Variants in ADARB2 observed in about 807,000 individuals in gnomAD.
ADARB2 encodes inactive double-stranded RNA-specific editase B2.
Under a neutral mutation model 62.2 loss-of-function variants are expected in ADARB2, and 25 were observed. The observed-to-expected ratio is 0.40, with a 90% CI of 0.29 to 0.56. The LOEUF is 0.56. ADARB2 is among the 20% of genes least tolerant of loss of function. ADARB2 has a pLI of 0.43. For missense variants in ADARB2, 1,071 were observed against 1,077.4 expected (o/e 0.99, Z 0.08); for synonymous variants, 572 against 500.8 (o/e 1.14, Z -1.90).
intron 1 of ADARB2, among the ~76,000 whole-genome samples, chr10:1,445,076 T>C (rs866679834): frequency 1.3e-5 from 2 of 149,554 alleles, no homozygotes; most frequent in Middle Eastern, 3.6e-3. Flanking sequence ...CTTCCCTCCA[T>C]TCATCCATCC....
In ADARB2 at chr10:1,242,355, C is replaced by G. The variant is rs113690732; in HGVS notation, c.1193-56G>C. Reference sequence around the variant, plus strand: ...GGCCCACGGCCCCCGTCTCCCTCCTCCTCGGTCTTTTCAGGGTCTCACAAC... The same window carrying G: ...GGCCCACGGCCCCCGTCTCCCTCCTGCTCGGTCTTTTCAGGGTCTCACAAC... On this transcript the variant is annotated intron_variant, in intron 4 of 9. Coordinates refer to ENST00000381312, the MANE Select transcript of ADARB2 (RefSeq NM_018702.4). 138 of 1,492,658 alleles carry G rather than the reference C, an allele frequency of 9.2e-5. 1 individual carries two copies. In the African/African-American group the frequency reaches 1.7e-3, roughly 18 times the overall value. 92.5% of individuals were successfully genotyped at this position (1,492,658 alleles called of 1,614,324 possible).
rs139764018 is a variant in ADARB2 at position 1,580,766 on chromosome 10, C to T, written c.100+156285G>A. On this transcript the variant is annotated intron_variant, in intron 1 of 9. Transcript: ENST00000381312. ...CGCCATGCTCCTTCTGTTCCTCCCT[C>T]CTTCCCCACAAGCCCTGGCCACCAC... 4.1e-4 allele frequency among the ~76,000 whole-genome samples: 63 copies of T among 152,328 alleles called. 2 individuals are homozygous for T. The East Asian group carries it at 0.012, about 29-fold the overall frequency.
chr10:1,295,624 T>C (rs1831516551), intron 3 of ADARB2, among the ~76,000 whole-genome samples: 1 of 144,770 alleles, frequency 6.9e-6, no homozygotes, highest in Non-Finnish European at 1.5e-5. Flanking sequence ...CTTGATACGA[T>C]TTTGGATCTG....
At chr10:1,318,650 T>C (rs546420555) in intron 3 of ADARB2, among the ~76,000 whole-genome samples, 6 of 152,164 alleles carry the variant, frequency 3.9e-5, no homozygotes, top group African/African-American at 9.7e-5. Flanking sequence ...CAACTCAGCA[T>C]TGATACAAAG....
intron 1 of ADARB2, among the ~76,000 whole-genome samples, chr10:1,710,189 A>G (rs1834933719): frequency 6.6e-6 from 1 of 152,294 alleles, no homozygotes; most frequent in Non-Finnish European, 1.5e-5. Context: ...ACAGGCCAGC[A>G]GTAGCTATTC....
In ADARB2 at chr10:1,181,562, T is replaced by A. The variant is rs1836675787; in HGVS notation, c.*1631A>T. The A allele has an allele frequency of 6.6e-6, 1 of 152,222 alleles. No homozygotes were observed. The highest frequency in any genetic ancestry group is 2.1e-4 in the South Asian group (1 of 4,836). 9.4% of individuals were successfully genotyped at this position (152,222 alleles called of 1,614,324 possible). A position where few individuals can be genotyped will look rare whatever the true frequency, so the allele number is the denominator to read the frequency against. On this transcript the variant is annotated 3_prime_UTR_variant, in exon 10 of 10. Transcript: ENST00000381312. Reference sequence around the variant, plus strand: ...CTTTTTCCATACTAATATCTCTACTTCTTATTATCTTGTAACAAATAGCTA... The same window carrying A: ...CTTTTTCCATACTAATATCTCTACTACTTATTATCTTGTAACAAATAGCTA...
intron 2 of ADARB2, among the ~76,000 whole-genome samples, chr10:1,372,764 T>C (rs1832384393): frequency 6.6e-6 from 1 of 152,222 alleles, no homozygotes; most frequent in African/African-American, 2.4e-5. Flanking sequence ...CACTCCGAAA[T>C]TTATTATCCC....
At chr10:1,385,378 T>C (rs1832517101) in intron 1 of ADARB2, among the ~76,000 whole-genome samples, 1 of 152,292 alleles carries the variant, frequency 6.6e-6, no homozygotes. Flanking sequence ...GAAATATTTT[T>C]AAGAATTTAA....
intron 4 of ADARB2, among the ~76,000 whole-genome samples, chr10:1,266,736 C>G (rs928607484): frequency 6.6e-6 from 1 of 152,190 alleles, no homozygotes; most frequent in African/African-American, 2.4e-5. Flanking sequence ...CCACGCGAAA[C>G]AGAAAGCCAC....
At chr10:1,400,931 C>T (rs549067461) in intron 1 of ADARB2, among the ~76,000 whole-genome samples, 3 of 152,096 alleles carry the variant, frequency 2.0e-5, no homozygotes, top group South Asian at 2.1e-4. Flanking sequence ...CAGGGAGGGC[C>T]GGGAACGACC....
chr10:1,228,377 A>G (rs1830766812), intron 6 of ADARB2, among the ~76,000 whole-genome samples: 1 of 152,196 alleles, frequency 6.6e-6, no homozygotes, highest in Admixed American at 6.5e-5. Context: ...AACCACAGTG[A>G]AGTACAGAGA....
intron 1 of ADARB2, among the ~76,000 whole-genome samples, chr10:1,637,222 A>T (rs553972672): frequency 6.7e-6 from 1 of 149,144 alleles, no homozygotes; most frequent in East Asian, 2.0e-4. Flanking sequence ...GGCAGTTTAT[A>T]TTTCTGCCGT....
intron 1 of ADARB2, among the ~76,000 whole-genome samples, chr10:1,594,741 G>T (rs1318118454): frequency 6.6e-6 from 1 of 152,240 alleles, no homozygotes; most frequent in African/African-American, 2.4e-5. Context: ...CTGTGCTGGA[G>T]GACGCTTAAA....
chr10:1,709,515 C>T (rs745599821), intron 1 of ADARB2, among the ~76,000 whole-genome samples: 1 of 152,284 alleles, frequency 6.6e-6, no homozygotes, highest in Non-Finnish European at 1.5e-5. Flanking sequence ...ATGTGGAAGC[C>T]GGGCTTTCTT....
chr10:1,416,286 T>C (rs1374682659), intron 1 of ADARB2, among the ~76,000 whole-genome samples: 2 of 152,238 alleles, frequency 1.3e-5, no homozygotes, highest in African/African-American at 2.4e-5. Context: ...TTTGAATAAA[T>C]GAATTATTGG....
chr10:1,183,208 A>G lies in ADARB2; in HGVS notation c.2205T>C (p.Phe735=). Residue 735 remains phenylalanine, a synonymous_variant, in exon 10 of 10, where the codon TTT becomes TTC. Coordinates refer to ENST00000381312, the MANE Select transcript of ADARB2 (RefSeq NM_018702.4). ...WVRKPPEQQQ[F]LLTL is the part of the protein sequence containing the mutation. ...AGCCCGCAGCCTAGAGAGTCAGTAG[A>G]AACTGCTGCTGCTCCGGTGGTTTCC... 1 of 1,613,312 alleles carries G rather than the reference A, an allele frequency of 6.2e-7. No individual in the cohort carries two copies. Among genetic ancestry groups the G allele is most frequent in the East Asian group, 2.2e-5 (1 of 44,876 alleles).
At chr10:1,412,653 C>T (rs1027578833) in intron 1 of ADARB2, among the ~76,000 whole-genome samples, 2 of 152,024 alleles carry the variant, frequency 1.3e-5, no homozygotes, top group Non-Finnish European at 2.9e-5. Flanking sequence ...TGAAGGCTTC[C>T]GAGGGTAATG....
intron 1 of ADARB2, among the ~76,000 whole-genome samples, chr10:1,479,961 C>T (rs1831446360): frequency 6.6e-6 from 1 of 151,944 alleles, no homozygotes; most frequent in Non-Finnish European, 1.5e-5. Flanking sequence ...GGATTATGCA[C>T]CCAAATGACA....
chr10:1,361,853 G>C (rs186375998), intron 3 of ADARB2, among the ~76,000 whole-genome samples: 1 of 152,180 alleles, frequency 6.6e-6, no homozygotes, highest in Non-Finnish European at 1.5e-5. Context: ...GCATACTTAC[G>C]ACGAGTCCCG....
Sources: gnomAD v4.1 joint callset for allele counts (sites outside exome capture counted in the v4.1 genomes callset) on GRCh38, gnomAD v4.1.1 for gene constraint, MANE v1.5 for transcripts, NCBI Gene and HGNC (gene_info 2026-07-23, HGNC 2026-07-21) for gene names.